The following UFC1 variants were observed in gnomAD, a reference collection of about 807,000 sequenced individuals.
UFC1 encodes the protein ubiquitin-fold modifier-conjugating enzyme 1.
Under a neutral mutation model 28.0 loss-of-function variants are expected in UFC1, and 22 were observed. That is an observed-to-expected ratio of 0.78 (90% CI 0.56 to 1.12). The LOEUF (loss-of-function observed/expected upper bound fraction) is 1.12. UFC1 is among the 50% of genes most tolerant of loss of function. The pLI is 0.00. For missense variants in UFC1, 189 were observed against 207.8 expected (o/e 0.91, Z 0.56); for synonymous variants, 61 against 74.5 (o/e 0.82, Z 0.93).
rs904406879 is a variant in UFC1, at chr1:161,157,491, G to A, written c.256-126G>A. The A allele has an allele frequency of 3.3e-5, 40 of 1,230,318 alleles. No homozygotes were observed. In the African/African-American group the frequency reaches 5.3e-4, roughly 16 times the overall value. 76.2% of individuals were successfully genotyped at this position (1,230,318 alleles called of 1,614,324 possible). A position where few individuals can be genotyped will look rare whatever the true frequency, so the allele number is the denominator to read the frequency against. On this transcript the variant is annotated intron_variant, in intron 3 of 5. Transcript: ENST00000368003. The stretch of plus-strand genomic sequence containing the variant: ...TACTCATCTCCACATCCAGAATCCT[G>A]GTATGGATGTGCTCCTTGGGGAGTT...
intron 4 of UFC1, 29 bp downstream of exon 4, chr1:161,157,722 T>C (rs370168769): frequency 1.3e-6 from 2 of 1,596,542 alleles, no homozygotes; most frequent in Non-Finnish European, 1.7e-6. Flanking sequence ...TGGCAAAGAG[T>C]CAAAGAAAGC....
rs1441339554 is a variant in UFC1, at chr1:161,157,667, G to C, written c.306G>C (p.Leu102=). 6.2e-7 allele frequency: 1 copy of C among 1,614,032 alleles called. No homozygotes were observed. Among genetic ancestry groups the C allele is most frequent in the Admixed American group, 1.7e-5 (1 of 60,024 alleles). ...TTAPEIAVPE[L]DGKTAKMYRG... ...CCCCAGAAATTGCAGTTCCTGAGCT[G>C]GATGGAAAGACAGCAAAGATGTACA... Residue 102 remains leucine, a synonymous_variant, in exon 4 of 6, where the codon CTG becomes CTC. Transcript: ENST00000368003.
At position 161,154,118 on chromosome 1, in the gene UFC1, C is replaced by T; in HGVS notation, c.121C>T (p.Arg41Trp). The change falls in exon 1 of 6, where the codon CGG (arginine) becomes TGG (tryptophan). Residue 41 changes from arginine to tryptophan, a missense_variant and splice_region_variant. Arg to Trp is a moderately radical substitution (Grantham distance 101). Transcript: ENST00000368003. Reference protein sequence around the residue: ...RLKEEYQSLIRYVENNKNADN... With the variant: ...RLKEEYQSLIWYVENNKNADN... ...GAAGGAGGAATATCAGTCCCTTATC[C>T]GGGTTAGTTGTGTTTCTACAGTCTA... The T allele has an allele frequency of 1.2e-6, 2 of 1,613,978 alleles. No individual in the cohort carries two copies. The highest frequency in any genetic ancestry group is 2.2e-5 in the East Asian group (1 of 44,870).
intron 2 of UFC1, 118 bp from the exon 3 acceptor site, chr1:161,157,136 G>A (rs992777702): frequency 1.3e-6 from 2 of 1,510,314 alleles, no homozygotes; most frequent in African/African-American, 2.7e-5. Flanking sequence ...CACTCCCACA[G>A]CGCCAGAGTT....
rs373077112 is a variant in UFC1 at position 161,157,334 on chromosome 1, G to T, written c.255+17G>T. 1 of 1,613,958 alleles carries T rather than the reference G, an allele frequency of 6.2e-7. No homozygotes were observed. The highest frequency in any genetic ancestry group is 1.3e-5 in the African/African-American group (1 of 74,914). On this transcript the variant is annotated intron_variant, in intron 3 of 5. Coordinates refer to ENST00000368003, the MANE Select transcript of UFC1 (RefSeq NM_016406.4). ...GAGTTTGACGTGAGTGTGATAGAGT[G>T]GGAAATATGAAGGTTAGTAGAAGGG...
At chr1:161,157,745 C>G (rs751288586) in intron 4 of UFC1, 52 bp downstream of exon 4, 2 of 1,504,028 alleles carry the variant, frequency 1.3e-6, no homozygotes, top group Non-Finnish European at 1.8e-6. Flanking sequence ...TAAGGAAGAA[C>G]TTCGTGGCGG....
chr1:161,158,001 A>G (rs1657590135), intron 4 of UFC1, 120 bp from the exon 5 acceptor site: 1 of 891,180 alleles, frequency 1.1e-6, no homozygotes, highest in Non-Finnish European at 1.8e-6. Flanking sequence ...GCCTAAGCAA[A>G]GTACTTAGCT....
chr1:161,156,866 AT>A lies in UFC1; in HGVS notation c.124-83del, dbSNP rs1238593034. The A allele has an allele frequency of 1.5e-4, 180 of 1,212,598 alleles. 2 individuals carry two copies. In the South Asian group the frequency reaches 2.0e-3, roughly 14 times the overall value. 75.1% of individuals were successfully genotyped at this position (1,212,598 alleles called of 1,614,324 possible). On this transcript the variant is annotated intron_variant, in intron 1 of 5. Coordinates refer to ENST00000368003, the MANE Select transcript of UFC1 (RefSeq NM_016406.4). ...TCAATAAAAATAAAAAATAAAAAAA[AT>A]AACCACATACTTTTCTTTTGAGGAG...
At chr1:161,156,852 A>T (rs1657522789) in intron 1 of UFC1, 98 bp from the exon 2 acceptor site, 1 of 1,112,410 alleles carries the variant, frequency 9.0e-7, no homozygotes, top group South Asian at 1.5e-5. Flanking sequence ...CAATAAAAAT[A>T]AAAAATAAAA....
Position 161,158,205 on chromosome 1 carries a change from T to G in UFC1, c.417T>G (p.Ala139=), listed in dbSNP as rs146389316. The G allele has an allele frequency of 4.3e-6, 7 of 1,614,044 alleles. No homozygotes were observed. In the East Asian group the frequency reaches 1.3e-4, roughly 31 times the overall value. ...AATTTGGACTAGCTCATCTCATGGC[T>G]CTGGGGGTAAGTTTTGTGTATTTGG... The part of the protein sequence containing the change: ...VPKFGLAHLM[A]LGLGPWLAVE... The change falls in exon 5 of 6, where the codon GCT becomes GCG. Residue 139 remains alanine, a synonymous_variant. Coordinates refer to ENST00000368003, the MANE Select transcript of UFC1 (RefSeq NM_016406.4).
intron 4 of UFC1, 182 bp downstream of exon 4, chr1:161,157,875 A>G (rs1007759233): frequency 1.6e-6 from 1 of 632,828 alleles, no homozygotes; most frequent in African/African-American, 1.8e-5. Context: ...TACATCCTGC[A>G]TGTGTACCTC....
chr1:161,158,220 T>C lies in UFC1; in HGVS notation c.423+9T>C, dbSNP rs778465267. ...ATCTCATGGCTCTGGGGGTAAGTTTTGTGTATTTGGCATAAAAGGAGAAAG... is the reference window on the plus strand; with the variant it reads ...ATCTCATGGCTCTGGGGGTAAGTTTCGTGTATTTGGCATAAAAGGAGAAAG... On this transcript the variant is annotated intron_variant, in intron 5 of 5. Coordinates refer to ENST00000368003, the MANE Select transcript of UFC1 (RefSeq NM_016406.4). 1 of 1,613,870 alleles carries C rather than the reference T, an allele frequency of 6.2e-7. No homozygotes were observed. The highest frequency in any genetic ancestry group is 8.5e-7 in the Non-Finnish European group (1 of 1,179,894).
intron 1 of UFC1, among the ~76,000 whole-genome samples, chr1:161,156,594 C>T (rs990301047): frequency 2.8e-4 from 42 of 148,744 alleles, no homozygotes; most frequent in African/African-American, 1.0e-3. Flanking sequence ...GTAATCCTAG[C>T]ACTTTGGGAG....
intron 1 of UFC1, among the ~76,000 whole-genome samples, chr1:161,154,781 G>T (rs1410599472): frequency 1.3e-5 from 2 of 152,244 alleles, no homozygotes; most frequent in Admixed American, 6.5e-5. Flanking sequence ...GAGCCACCGC[G>T]CCTGGCCTCA....
intron 3 of UFC1, 68 bp from the exon 4 acceptor site, chr1:161,157,549 G>A (rs2101790968): frequency 2.7e-6 from 4 of 1,477,672 alleles, no homozygotes; most frequent in Admixed American, 1.7e-5. Flanking sequence ...CAAGAAATAT[G>A]TATGTCTGAT....
Position 161,158,628 on chromosome 1 carries a change from G to A in UFC1, c.*136G>A. ...TAGTTGTTACTAAGTAGCTGCAGTA[G>A]GCATTGCTGGGGAAGAAACAAACAC... On this transcript the variant is annotated 3_prime_UTR_variant, in exon 6 of 6. Transcript: ENST00000368003. The A allele has an allele frequency of 1.2e-6, 1 of 836,284 alleles. No individual in the cohort carries two copies. Among genetic ancestry groups the A allele is most frequent in the South Asian group, 1.5e-5 (1 of 65,414 alleles). 51.8% of individuals were successfully genotyped at this position (836,284 alleles called of 1,614,324 possible).
chr1:161,157,132 C>T, intron 2 of UFC1, 115 bp downstream of exon 2: 1 of 1,504,430 alleles, frequency 6.6e-7, no homozygotes, highest in Admixed American at 1.7e-5. Flanking sequence ...TCTCCACTCC[C>T]ACAGCGCCAG....
chr1:161,158,631 A>C lies in UFC1; in HGVS notation c.*139A>C. The C allele has an allele frequency of 6.1e-6, 5 of 824,274 alleles. No individual in the cohort carries two copies. The highest frequency in any genetic ancestry group is 9.9e-6 in the Non-Finnish European group (5 of 504,698). 51.1% of individuals were successfully genotyped at this position (824,274 alleles called of 1,614,324 possible). A position where few individuals can be genotyped will look rare whatever the true frequency, so the allele number is the denominator to read the frequency against. ...TTGTTACTAAGTAGCTGCAGTAGGC[A>C]TTGCTGGGGAAGAAACAAACACACA... On this transcript the variant is annotated 3_prime_UTR_variant, in exon 6 of 6. Transcript: ENST00000368003.
At chr1:161,157,731 G>A (rs964228756) in intron 4 of UFC1, 38 bp downstream of exon 4, 15 of 1,580,500 alleles carry the variant, frequency 9.5e-6, no homozygotes, top group East Asian at 4.5e-5. Flanking sequence ...GTCAAAGAAA[G>A]CCTTAAGGAA....
Sources: gnomAD v4.1 joint callset for allele counts (sites outside exome capture counted in the v4.1 genomes callset) on GRCh38, gnomAD v4.1.1 for gene constraint, MANE v1.5 for transcripts, NCBI Gene and HGNC (gene_info 2026-07-23, HGNC 2026-07-21) for gene names.